CHST11: variants seen among roughly 807,000 people sequenced by gnomAD.
CHST11 encodes carbohydrate sulfotransferase 11, also known as C4S-1.
A neutral mutation model predicts 30.4 loss-of-function variants in CHST11; 9 were observed. The ratio of observed to expected loss-of-function variants is 0.30; its 90% confidence interval spans 0.18 to 0.52. The LOEUF (loss-of-function observed/expected upper bound fraction) is 0.52. Ranked by LOEUF, CHST11 falls within the 20% of genes least tolerant of loss-of-function variation. CHST11 has a pLI of 0.97. For synonymous variants in CHST11, 152 were observed against 187.8 expected, an observed-to-expected ratio of 0.81 and a Z score of 1.56; for missense variants, 348 against 460.6, an observed-to-expected ratio of 0.76 and a Z score of 2.24.
At chr12:104,680,220 A>G (rs1014660465) in intron 2 of CHST11, among the ~76,000 whole-genome samples, 1 of 152,242 alleles carries the variant, frequency 6.6e-6, no homozygotes, top group African/African-American at 2.4e-5. Flanking sequence ...ACAAGGTAGT[A>G]ATAGCATGAG....
At chr12:104,484,055 C>G (rs1234723633) in intron 1 of CHST11, among the ~76,000 whole-genome samples, 1 of 152,208 alleles carries the variant, frequency 6.6e-6, no homozygotes, top group African/African-American at 2.4e-5. Flanking sequence ...GCATCTAGGT[C>G]TTCTTTTTGC....
intron 1 of CHST11, among the ~76,000 whole-genome samples, chr12:104,589,265 G>A (rs1268383736): frequency 6.6e-6 from 1 of 151,982 alleles, no homozygotes; most frequent in African/African-American, 2.4e-5. Context: ...GTCAATGATG[G>A]TGGCCTGTGT....
chr12:104,696,482 C>CAAAAAAAAAAA lies in CHST11; in HGVS notation c.205-60452_205-60442dup, dbSNP rs10602668. Among the ~76,000 whole-genome samples the CAAAAAAAAAAA allele has an allele frequency of 7.0e-3, 480 of 68,922 alleles. 2 individuals are homozygous for CAAAAAAAAAAA. Among genetic ancestry groups the CAAAAAAAAAAA allele is most frequent in the Middle Eastern group, 0.023 (2 of 88 alleles). The allele number at this position is 68,922 out of a possible 152,430, so 45.2% of individuals were successfully genotyped here. On this transcript the variant is annotated intron_variant, in intron 2 of 2. Transcript: ENST00000303694. The stretch of plus-strand genomic sequence containing the variant: ...TGAAACCCCGACTCTGCTAAAAATA[C>CAAAAAAAAAAA]AAAAAAAAAAAAAAAAAAAAAAAAA...
At chr12:104,646,031 C>T (rs1241304701) in intron 2 of CHST11, among the ~76,000 whole-genome samples, 1 of 152,250 alleles carries the variant, frequency 6.6e-6, no homozygotes, top group Non-Finnish European at 1.5e-5. Flanking sequence ...TGATTTCTTT[C>T]TGAGTCCCGC....
intron 2 of CHST11, among the ~76,000 whole-genome samples, chr12:104,635,535 C>T (rs1444724460): frequency 1.3e-5 from 2 of 152,198 alleles, no homozygotes; most frequent in Non-Finnish European, 2.9e-5. Flanking sequence ...TCCAGTTCCG[C>T]TGGATGATGT....
At chr12:104,669,134 GC>G (rs1297561635) in intron 2 of CHST11, among the ~76,000 whole-genome samples, 1 of 152,168 alleles carries the variant, frequency 6.6e-6, no homozygotes, top group African/African-American at 2.4e-5. Context: ...TCGCACAATC[GC>G]CCGCTGTGTC....
At chr12:104,618,797 A>G (rs2039133323) in intron 2 of CHST11, among the ~76,000 whole-genome samples, 1 of 152,166 alleles carries the variant, frequency 6.6e-6, no homozygotes, top group African/African-American at 2.4e-5. Flanking sequence ...CATCCAGCCT[A>G]TTCGGGGAGT....
At chr12:104,580,861 G>A (rs1429767794) in intron 1 of CHST11, among the ~76,000 whole-genome samples, 1 of 152,086 alleles carries the variant, frequency 6.6e-6, no homozygotes, top group African/African-American at 2.4e-5. Flanking sequence ...CAAAGTGCTG[G>A]GATTAAAAGC....
chr12:104,748,245 G>A (rs1566063893), intron 2 of CHST11, among the ~76,000 whole-genome samples: 1 of 152,190 alleles, frequency 6.6e-6, no homozygotes, highest in African/African-American at 2.4e-5. Flanking sequence ...CTGTGAATTG[G>A]TGAAAGACAT....
rs536187024 is a variant in CHST11 at position 104,668,185 on chromosome 12, C to T, written c.204+66194C>T. 1.1e-4 allele frequency among the ~76,000 whole-genome samples: 17 copies of T among 152,234 alleles called. No individual in the cohort carries two copies. In the South Asian group the frequency reaches 3.5e-3, roughly 32 times the overall value. On this transcript the variant is annotated intron_variant, in intron 2 of 2. Transcript: ENST00000303694. ...AGAAAGTGAGGACAGTATTTATGAG[C>T]ACCCCTCATAGGGTCATATAGGGAC...
intron 1 of CHST11, among the ~76,000 whole-genome samples, chr12:104,573,471 T>C (rs1238511927): frequency 3.3e-5 from 5 of 152,160 alleles, no homozygotes; most frequent in Admixed American, 2.6e-4. Context: ...ACTACAAGGC[T>C]ACAGTAACCA....
chr12:104,691,315 G>A (rs757988760), intron 2 of CHST11, among the ~76,000 whole-genome samples: 6 of 152,102 alleles, frequency 3.9e-5, no homozygotes, highest in South Asian at 2.1e-4. Context: ...TAGAGAGGGC[G>A]TCAGGTGGGT....
At chr12:104,669,243 G>A (rs1244669609) in intron 2 of CHST11, among the ~76,000 whole-genome samples, 58 of 152,012 alleles carry the variant, frequency 3.8e-4, no homozygotes, top group South Asian at 2.1e-4. Flanking sequence ...CCAGCTCCAC[G>A]CCCTCCTGAA....
At chr12:104,753,935 G>GAGGATCTCCTTT (rs1395931030) in intron 2 of CHST11, among the ~76,000 whole-genome samples, 70 of 152,358 alleles carry the variant, frequency 4.6e-4, no homozygotes, top group African/African-American at 1.2e-3. Context: ...AGGAAACAAA[G>GAGGATCTCCTTT]GCCAAGAAAG....
intron 1 of CHST11, among the ~76,000 whole-genome samples, chr12:104,568,553 A>C (rs1308565143): frequency 6.6e-6 from 1 of 152,216 alleles, no homozygotes; most frequent in Non-Finnish European, 1.5e-5. Flanking sequence ...TTTGAATGGC[A>C]TCTTGGCATT....
chr12:104,461,699 T>C (rs1275714133), intron 1 of CHST11, among the ~76,000 whole-genome samples: 1 of 152,258 alleles, frequency 6.6e-6, no homozygotes. Context: ...TTATTTTCAC[T>C]GTCACCTGGG....
chr12:104,507,219 G>A lies in CHST11; in HGVS notation c.118+49690G>A, dbSNP rs112281028. 7.6e-3 allele frequency among the ~76,000 whole-genome samples: 1,158 copies of A among 152,268 alleles called. 15 individuals are homozygous for A. The highest frequency in any genetic ancestry group is 0.027 in the African/African-American group (1,103 of 41,538). On this transcript the variant is annotated intron_variant, in intron 1 of 2. Coordinates refer to ENST00000303694, the MANE Select transcript of CHST11 (RefSeq NM_018413.6). ...CAAGGATGTGAAGTGCGAGCAGATG[G>A]TCTCCGTCACTGCCAACCTAAATCA...
intron 2 of CHST11, among the ~76,000 whole-genome samples, chr12:104,610,040 CCT>C (rs1491537980): frequency 4.0e-5 from 5 of 124,970 alleles, no homozygotes; most frequent in East Asian, 2.2e-4. Context: ...GCCATGAGTG[CCT>C]CTGTGTGTGT....
At chr12:104,647,918 C>CT (rs1000433903) in intron 2 of CHST11, among the ~76,000 whole-genome samples, 1 of 152,188 alleles carries the variant, frequency 6.6e-6, no homozygotes, top group African/African-American at 2.4e-5. Context: ...CACTAGACTG[C>CT]TTGAGTGTCC....
Sources: gnomAD v4.1 joint callset for allele counts (sites outside exome capture counted in the v4.1 genomes callset) on GRCh38, gnomAD v4.1.1 for gene constraint, MANE v1.5 for transcripts, NCBI Gene and HGNC (gene_info 2026-07-23, HGNC 2026-07-21) for gene names.